GUCY1A2: variants seen among roughly 807,000 people sequenced by gnomAD.
The protein encoded by GUCY1A2 is guanylate cyclase soluble subunit alpha-2.
A neutral mutation model predicts 63.5 loss-of-function variants in GUCY1A2; 27 were observed. The observed-to-expected ratio is 0.43, with a 90% CI of 0.31 to 0.59. GUCY1A2 has a LOEUF of 0.59. Ranked by LOEUF, GUCY1A2 falls within the 20% of genes least tolerant of loss-of-function variation. The pLI, the probability that GUCY1A2 is intolerant of heterozygous loss-of-function variation, is 0.11. For missense variants in GUCY1A2, 768 were observed against 913.3 expected (o/e 0.84, Z 2.05); for synonymous variants, 364 against 343.5 (o/e 1.06, Z -0.66).
chr11:106,720,873 A>G (rs1032560864), intron 6 of GUCY1A2, among the ~76,000 whole-genome samples: 6 of 152,302 alleles, frequency 3.9e-5, no homozygotes, highest in African/African-American at 1.2e-4. Flanking sequence ...ATAATAATGT[A>G]TTGATACTGG....
intron 4 of GUCY1A2, among the ~76,000 whole-genome samples, chr11:106,864,740 C>G (rs962337858): frequency 6.6e-6 from 1 of 152,134 alleles, no homozygotes; most frequent in Non-Finnish European, 1.5e-5. Flanking sequence ...TATGTTGAAC[C>G]AGCCTTGCAT....
chr11:106,831,375 T>C (rs1239370891), intron 4 of GUCY1A2, among the ~76,000 whole-genome samples: 2 of 152,178 alleles, frequency 1.3e-5, no homozygotes, highest in Admixed American at 6.5e-5. Flanking sequence ...CTTGCTGTGC[T>C]GGTGAAAAGC....
chr11:106,939,215 T>G (rs573423393), intron 4 of GUCY1A2, among the ~76,000 whole-genome samples: 2 of 152,328 alleles, frequency 1.3e-5, no homozygotes, highest in Non-Finnish European at 2.9e-5. Flanking sequence ...GTAATTGCTA[T>G]AGCTAGTATT....
chr11:106,831,240 A>G (rs1859046466), intron 4 of GUCY1A2, among the ~76,000 whole-genome samples: 1 of 152,240 alleles, frequency 6.6e-6, no homozygotes, highest in Non-Finnish European at 1.5e-5. Flanking sequence ...ACTTTGCACT[A>G]GCAAAATGTC....
At chr11:106,815,534 T>A (rs1030654171) in intron 4 of GUCY1A2, among the ~76,000 whole-genome samples, 2 of 149,882 alleles carry the variant, frequency 1.3e-5, no homozygotes, top group Non-Finnish European at 2.9e-5. Context: ...AAAGAATGGC[T>A]AAAGAAAGGT....
intron 4 of GUCY1A2, among the ~76,000 whole-genome samples, chr11:106,884,015 A>T (rs1354467925): frequency 6.6e-6 from 1 of 152,122 alleles, no homozygotes; most frequent in Non-Finnish European, 1.5e-5. Context: ...ACAGGGTGGG[A>T]ACATCACACA....
chr11:106,690,163 T>C (rs1862598060), intron 7 of GUCY1A2, among the ~76,000 whole-genome samples: 1 of 152,282 alleles, frequency 6.6e-6, no homozygotes, highest in East Asian at 1.9e-4. Flanking sequence ...AGCAATCCCA[T>C]TACTGGGAAT....
chr11:106,768,546 A>T (rs896989058), intron 6 of GUCY1A2, among the ~76,000 whole-genome samples: 2 of 152,146 alleles, frequency 1.3e-5, no homozygotes, highest in Admixed American at 1.3e-4. Flanking sequence ...AGCTCTGGTT[A>T]ACTATTTTTT....
At chr11:106,955,754 G>T (rs1353813495) in intron 3 of GUCY1A2, among the ~76,000 whole-genome samples, 2 of 152,060 alleles carry the variant, frequency 1.3e-5, no homozygotes, top group Non-Finnish European at 2.9e-5. Context: ...TGACCTTGGA[G>T]AAACTGATAA....
At chr11:106,955,221 C>G (rs12418682) in intron 3 of GUCY1A2, among the ~76,000 whole-genome samples, 36,238 of 152,066 alleles carry the variant, frequency 0.24, 4,483 homozygotes, top group African/African-American at 0.3. Flanking sequence ...ATCCACCCAT[C>G]TCAGCCTCCC....
chr11:106,807,436 A>G (rs1017309040), intron 5 of GUCY1A2, among the ~76,000 whole-genome samples: 5 of 152,268 alleles, frequency 3.3e-5, no homozygotes, highest in South Asian at 4.1e-4. Context: ...TACAGGACTA[A>G]TATCATTTTG....
intron 1 of GUCY1A2, among the ~76,000 whole-genome samples, chr11:106,993,048 C>G (rs1861491243): frequency 6.6e-6 from 1 of 152,202 alleles, no homozygotes; most frequent in Non-Finnish European, 1.5e-5. Context: ...TAACTCCATT[C>G]CCTCAAAACC....
chr11:106,829,967 G>T (rs1215963801), intron 4 of GUCY1A2, among the ~76,000 whole-genome samples: 1 of 152,162 alleles, frequency 6.6e-6, no homozygotes, highest in Non-Finnish European at 1.5e-5. Context: ...AAGGCAAAGG[G>T]AATACAGAAT....
chr11:106,825,932 A>G (rs866319381), intron 4 of GUCY1A2, among the ~76,000 whole-genome samples: 1 of 152,220 alleles, frequency 6.6e-6, no homozygotes, highest in Non-Finnish European at 1.5e-5. Flanking sequence ...AAAAGGAGTA[A>G]GTCATCAATA....
intron 2 of GUCY1A2, among the ~76,000 whole-genome samples, chr11:106,980,951 A>G (rs571420458): frequency 3.3e-5 from 5 of 152,290 alleles, no homozygotes; most frequent in Admixed American, 2.6e-4. Flanking sequence ...TTTTTCTCTC[A>G]ACCTCAATTT....
At chr11:106,722,319 T>A (rs1332954551) in intron 6 of GUCY1A2, among the ~76,000 whole-genome samples, 1 of 151,766 alleles carries the variant, frequency 6.6e-6, no homozygotes, top group Admixed American at 6.6e-5. Context: ...GATAAAGTAA[T>A]CTCAGACTAG....
chr11:106,944,145 G>A (rs1860789684), intron 3 of GUCY1A2, among the ~76,000 whole-genome samples: 1 of 131,394 alleles, frequency 7.6e-6, no homozygotes, highest in Non-Finnish European at 1.6e-5. Context: ...AGCCCAGGAT[G>A]TTGAGGTAGC....
chr11:106,974,624 G>A (rs1861239061), intron 3 of GUCY1A2, among the ~76,000 whole-genome samples: 1 of 152,036 alleles, frequency 6.6e-6, no homozygotes, highest in African/African-American at 2.4e-5. Flanking sequence ...AAAATATTGT[G>A]AGGAATAAGC....
At chr11:106,795,244 G>A (rs1864733260) in intron 5 of GUCY1A2, among the ~76,000 whole-genome samples, 1 of 152,070 alleles carries the variant, frequency 6.6e-6, no homozygotes, top group South Asian at 2.1e-4. Flanking sequence ...CCATTGCACT[G>A]TCATAGGCAA....
Sources: allele counts gnomAD v4.1 joint callset (sites outside exome capture counted in the v4.1 genomes callset), GRCh38; gene constraint gnomAD v4.1.1; transcripts MANE v1.5; gene names NCBI Gene and HGNC (gene_info 2026-07-23, HGNC 2026-07-21).